The following PCDHA9 variants were observed in gnomAD, a reference collection of about 807,000 sequenced individuals.
The protein encoded by PCDHA9 is protocadherin alpha 9, also known as protocadherin alpha-9.
A neutral mutation model predicts 62.0 loss-of-function variants in PCDHA9; 62 were observed. The ratio of observed to expected loss-of-function variants is 1.00; its 90% CI spans 0.81 to 1.23. The LOEUF is 1.23. Among genes scored for constraint, PCDHA9 ranks in the 50% most tolerant of loss-of-function variants. The pLI, the probability that PCDHA9 is intolerant of heterozygous loss-of-function variation, is 0.00. For synonymous variants in PCDHA9, 557 were observed against 567.6 expected, an observed-to-expected ratio of 0.98 and a Z score of 0.27; for missense variants, 1,205 against 1,249.8, an observed-to-expected ratio of 0.96 and a Z score of 0.54.
chr5:140,870,707 G>A, intron 1 of PCDHA9: 1 of 1,613,076 alleles, frequency 6.2e-7, no homozygotes, highest in Non-Finnish European at 8.5e-7. Context: ...TTCCAGGTGA[G>A]CGCGCGCGAT....
intron 1 of PCDHA9, among the ~76,000 whole-genome samples, chr5:140,930,847 A>G (rs1411771257): frequency 6.6e-6 from 1 of 152,224 alleles, no homozygotes; most frequent in Non-Finnish European, 1.5e-5. Context: ...AAATATGTGC[A>G]TATATGAATT....
At chr5:140,930,143 T>C (rs1375967730) in intron 1 of PCDHA9, 4 of 152,204 alleles carry the variant, frequency 2.6e-5, no homozygotes, top group Non-Finnish European at 5.9e-5. Context: ...ACCTTTTGTT[T>C]TGTGTTTCTA....
chr5:140,914,504 T>A (rs1554196424), intron 1 of PCDHA9, among the ~76,000 whole-genome samples: 1 of 152,202 alleles, frequency 6.6e-6, no homozygotes, highest in Non-Finnish European at 1.5e-5. Flanking sequence ...AACAGATCAT[T>A]GGGTCATGTT....
At chr5:140,923,134 G>C (rs962370475) in intron 1 of PCDHA9, among the ~76,000 whole-genome samples, 2 of 152,106 alleles carry the variant, frequency 1.3e-5, no homozygotes, top group Non-Finnish European at 1.5e-5. Flanking sequence ...CACTTTGAAG[G>C]TGGAATATAA....
At chr5:140,966,463 TC>T in intron 1 of PCDHA9, 1 of 429,360 alleles carries the variant, frequency 2.3e-6, no homozygotes, top group Non-Finnish European at 4.0e-6. Flanking sequence ...CCCTCTGTCT[TC>T]CCTTCTGTTT....
In PCDHA9 at chr5:140,872,619, G is replaced by A. The variant is rs571473600; in HGVS notation, c.2394+21730G>A. On this transcript the variant is annotated intron_variant, in intron 1 of 3. Transcript: ENST00000532602. ...TCTGAAAAAATAATTTTTTTTGCCT[G>A]TTCTTGATTTTGTTCCATGAAAAGG... Among the ~76,000 whole-genome samples, 128 of 152,108 alleles carry A rather than the reference G, an allele frequency of 8.4e-4. 1 individual carries two copies. The highest frequency in any genetic ancestry group is 3.4e-3 in the Middle Eastern group (1 of 294).
intron 1 of PCDHA9, chr5:140,870,796 C>A (rs1581985922): frequency 6.2e-7 from 1 of 1,613,576 alleles, no homozygotes; most frequent in South Asian, 1.1e-5. Context: ...GCCGGCACTG[C>A]TGGCGACTCA....
intron 1 of PCDHA9, among the ~76,000 whole-genome samples, chr5:140,974,407 A>T (rs1441174003): frequency 6.6e-6 from 1 of 152,244 alleles, no homozygotes; most frequent in African/African-American, 2.4e-5. Flanking sequence ...TTCTAAAGTT[A>T]TGTTTATTTT....
chr5:140,926,526 C>G (rs2083305621), intron 1 of PCDHA9: 1 of 209,510 alleles, frequency 4.8e-6, no homozygotes, highest in Non-Finnish European at 9.3e-6. Flanking sequence ...GCCCTGCGCC[C>G]GCAGCCAGCG....
In PCDHA9 at chr5:141,010,195, C is replaced by G. The variant is rs753472247; in HGVS notation, c.*258C>G. 6.4e-7 allele frequency: 1 copy of G among 1,552,256 alleles called. No homozygotes were observed. The highest frequency in any genetic ancestry group is 8.7e-7 in the Non-Finnish European group (1 of 1,147,132). Reference sequence around the variant, plus strand: ...TAAAAAGCAGACCCAAGTTTCCTTTCTCCTCCGCCGCAAAGGAGAGGCTTC... The same window carrying G: ...TAAAAAGCAGACCCAAGTTTCCTTTGTCCTCCGCCGCAAAGGAGAGGCTTC... On this transcript the variant is annotated 3_prime_UTR_variant, in exon 4 of 4. Coordinates refer to ENST00000532602, the MANE Select transcript of PCDHA9 (RefSeq NM_031857.2).
chr5:140,933,130 AAGGTAGAT>A (rs1554209200), intron 1 of PCDHA9, among the ~76,000 whole-genome samples: 1 of 151,994 alleles, frequency 6.6e-6, no homozygotes, highest in East Asian at 1.9e-4. Context: ...CTAAATAATA[AAGGTAGAT>A]AGCCACTCAT....
rs1554262683 is a variant in PCDHA9 at position 141,010,108 on chromosome 5, G to A, written c.*171G>A. 23 of 1,611,296 alleles carry A rather than the reference G, an allele frequency of 1.4e-5. No homozygotes were observed. Among genetic ancestry groups the A allele is most frequent in the East Asian group, 4.5e-5 (2 of 44,852 alleles). On this transcript the variant is annotated 3_prime_UTR_variant, in exon 4 of 4. Transcript: ENST00000532602. ...TAGAACGCATTTAACAGGTTTTGTC[G>A]TAAAAGCTTTACTAAGTCTGGTGTT...
At chr5:140,958,696 G>A (rs1276859394) in intron 1 of PCDHA9, among the ~76,000 whole-genome samples, 1 of 152,156 alleles carries the variant, frequency 6.6e-6, no homozygotes, top group African/African-American at 2.4e-5. Flanking sequence ...ATATCCTAGA[G>A]TGACAACTCT....
intron 1 of PCDHA9, chr5:140,857,926 C>G (rs1351185942): frequency 2.5e-6 from 4 of 1,597,606 alleles, no homozygotes; most frequent in East Asian, 2.2e-5. Flanking sequence ...TGGGGCTGTA[C>G]ACGGGCGAGA....
chr5:140,861,903 A>G (rs115177043), intron 1 of PCDHA9: 3,607 of 155,014 alleles, frequency 0.023, 51 homozygotes, highest in Middle Eastern at 0.034. Flanking sequence ...AAAGCATTAT[A>G]TATCACAGCG....
chr5:140,922,735 G>C (rs1370700616), intron 1 of PCDHA9, among the ~76,000 whole-genome samples: 1 of 152,078 alleles, frequency 6.6e-6, no homozygotes, highest in Non-Finnish European at 1.5e-5. Context: ...ACAAGGTTGA[G>C]AAAAATAAAT....
chr5:140,863,155 T>G (rs1554157838), intron 1 of PCDHA9: 1 of 635,268 alleles, frequency 1.6e-6, no homozygotes, highest in Admixed American at 1.9e-5. Context: ...GAAGGACCAC[T>G]GCGAGCTGGC....
Position 141,012,065 on chromosome 5 carries a change from T to G in PCDHA9, c.*2128T>G, listed in dbSNP as rs2098422876. The G allele has an allele frequency of 6.5e-6, 1 of 153,794 alleles. No individual in the cohort carries two copies. Among genetic ancestry groups the G allele is most frequent in the Non-Finnish European group, 1.5e-5 (1 of 68,044 alleles). The allele number at this position is 153,794 out of a possible 1,614,324, so 9.5% of individuals were successfully genotyped here. A position where few individuals can be genotyped will look rare whatever the true frequency, so the allele number is the denominator to read the frequency against. ...GGGTAAAACTTGTTACCAACACATGTGAACCATTGCTACATTGTAGGTTGT... is the reference window on the plus strand; with the variant it reads ...GGGTAAAACTTGTTACCAACACATGGGAACCATTGCTACATTGTAGGTTGT... On this transcript the variant is annotated 3_prime_UTR_variant, in exon 4 of 4. Transcript: ENST00000532602.
At chr5:140,954,183 A>T (rs246025) in intron 1 of PCDHA9, among the ~76,000 whole-genome samples, 85,732 of 152,134 alleles carry the variant, frequency 0.56, 24,791 homozygotes, top group African/African-American at 0.69. Flanking sequence ...CCAGTCTATC[A>T]TTGATGGGCA....
Sources: allele counts gnomAD v4.1 joint callset (sites outside exome capture counted in the v4.1 genomes callset), GRCh38; gene constraint gnomAD v4.1.1; transcripts MANE v1.5; gene names NCBI Gene and HGNC (gene_info 2026-07-23, HGNC 2026-07-21).